TUBGCP3: variants seen among roughly 807,000 people sequenced by gnomAD.
TUBGCP3 encodes the protein tubulin gamma complex component 3, also known as gamma-tubulin complex component 3.
A neutral mutation model predicts 123.1 loss-of-function variants in TUBGCP3; 50 were observed. The observed-to-expected ratio is 0.41, with a 90% CI of 0.32 to 0.51. The LOEUF is 0.51. Ranked by LOEUF, TUBGCP3 falls within the 20% of genes least tolerant of loss-of-function variation. The probability of loss-of-function intolerance (pLI) is 0.36; values close to 1 mark genes in which losing one functional copy is unlikely to be tolerated. For missense variants in TUBGCP3, 882 were observed against 1,127.0 expected, an observed-to-expected ratio of 0.78 and a Z score of 3.11; for synonymous variants, 405 against 413.9, an observed-to-expected ratio of 0.98 and a Z score of 0.26.
chr13:112,550,901 A>T (rs186900632), intron 8 of TUBGCP3, among the ~76,000 whole-genome samples: 221 of 152,324 alleles, frequency 1.5e-3, no homozygotes, highest in Middle Eastern at 6.8e-3. Context: ...GATTAAGACC[A>T]TCCTGGCTAA....
chr13:112,540,204 C>T (rs1878400916), intron 11 of TUBGCP3, among the ~76,000 whole-genome samples: 4 of 141,664 alleles, frequency 2.8e-5, no homozygotes, highest in East Asian at 2.2e-4. Context: ...GGAGTGATGA[C>T]GTCAATGTAG....
At chr13:112,570,297 A>C (rs867589000) in intron 1 of TUBGCP3, among the ~76,000 whole-genome samples, 53 of 152,362 alleles carry the variant, frequency 3.5e-4, no homozygotes, top group African/African-American at 1.2e-3. Flanking sequence ...GATGGTGATG[A>C]GTGGGGATCC....
In TUBGCP3 at chr13:112,499,089, T is replaced by C. The variant is rs1393740301; in HGVS notation, c.2404A>G (p.Arg802Gly). ...TTTTTCTCTTCAAACTGTAATCGTC[T>C]CTGCAATTCTTCCAGAGCAGCTCTG... ...IYRAALEELQ[R>G]RLQFEEKKKQ... The change falls in exon 20 of 22, where the codon AGA becomes GGA. Residue 802 changes from arginine (R) to glycine (G), a missense_variant. By Grantham distance (125) the Arg-to-Gly change is moderately radical. This residue lies in a region of TUBGCP3 where 160 missense variants were observed against 220.3 expected (regional missense o/e 0.73). Transcript: ENST00000261965. 1 of 1,614,200 alleles carries C rather than the reference T, an allele frequency of 6.2e-7. No individual in the cohort carries two copies. The highest frequency in any genetic ancestry group is 1.1e-5 in the South Asian group (1 of 91,082).
At chr13:112,587,831 C>T in intron 1 of TUBGCP3, 74 bp downstream of exon 1, 1 of 1,335,936 alleles carries the variant, frequency 7.5e-7, no homozygotes, top group Non-Finnish European at 1.0e-6. Context: ...AGCCCCGGAA[C>T]GTATTAGGGC....
chr13:112,565,064 A>T (rs1594209456), intron 3 of TUBGCP3, 47 bp downstream of exon 3: 1 of 1,530,046 alleles, frequency 6.5e-7, no homozygotes, highest in East Asian at 2.3e-5. Flanking sequence ...ACCACTCATC[A>T]TATCCTCAAC....
chr13:112,549,712 G>A lies in TUBGCP3; in HGVS notation c.967-1536C>T, dbSNP rs1462142851. Among the ~76,000 whole-genome samples the A allele has an allele frequency of 3.9e-5, 6 of 152,114 alleles. No homozygotes were observed. The East Asian group carries it at 7.8e-4, about 20-fold the overall frequency. Reference sequence around the variant, plus strand: ...CAATCTTAAAAACTGATAGGAGGCCGGGTGCAGTGGCTCACGCCTGTAATC... The same window carrying A: ...CAATCTTAAAAACTGATAGGAGGCCAGGTGCAGTGGCTCACGCCTGTAATC... On this transcript the variant is annotated intron_variant, in intron 8 of 21. Transcript: ENST00000261965.
the TUBGCP3 span, chr13:112,605,591 T>C: frequency 6.6e-6 from 1 of 152,214 alleles, no homozygotes; most frequent in African/African-American, 2.4e-5. Flanking sequence ...GGCTGGAGCC[T>C]TAAGTCCTGG....
At position 112,519,952 on chromosome 13, in the gene TUBGCP3, G is replaced by A. The variant is rs1876475190; in HGVS notation, c.1815C>T (p.Val605=). The A allele has an allele frequency of 1.2e-6, 2 of 1,613,902 alleles. No homozygotes were observed. Among genetic ancestry groups the A allele is most frequent in the African/African-American group, 2.7e-5 (2 of 74,936 alleles). Residue 605 remains valine, a synonymous_variant, in exon 15 of 22, where the codon GTC becomes GTT. Coordinates refer to ENST00000261965, the MANE Select transcript of TUBGCP3 (RefSeq NM_006322.6). This position sits in a 1 kb window ranked among gnomAD's most constrained non-coding sequence, Gnocchi z 6.2. The part of the protein sequence containing the change: ...HNLTGILETA[V]RATNAQFDSP... The stretch of plus-strand genomic sequence containing the variant: ...TGTCAAACTGTGCGTTGGTGGCTCT[G>A]ACAGCGGTTTCTAGAATTCCAGTCA...
rs1224168644 is a variant in TUBGCP3, at chr13:112,587,887, G to A, written c.76+18C>T. ...CCCGGGACGGGTCTGCGGGCTTCGC[G>A]TCGCCCGGCCACTCTACCTTCGCTC... On this transcript the variant is annotated intron_variant, in intron 1 of 21. Coordinates refer to ENST00000261965, the MANE Select transcript of TUBGCP3 (RefSeq NM_006322.6). 1.9e-6 allele frequency: 3 copies of A among 1,583,934 alleles called. No individual in the cohort carries two copies. Among genetic ancestry groups the A allele is most frequent in the African/African-American group, 2.8e-5 (2 of 71,892 alleles).
intron 17 of TUBGCP3, among the ~76,000 whole-genome samples, chr13:112,514,632 C>T (rs1875924657): frequency 6.6e-6 from 1 of 152,128 alleles, no homozygotes; most frequent in South Asian, 2.1e-4. Context: ...GTGATACAGA[C>T]AACTATCAAC....
chr13:112,555,444 G>C (rs1389911656), intron 6 of TUBGCP3, among the ~76,000 whole-genome samples: 1 of 152,164 alleles, frequency 6.6e-6, no homozygotes, highest in Non-Finnish European at 1.5e-5. Flanking sequence ...AGCCAACAGG[G>C]AAACCCAATC....
At chr13:112,549,200 C>G (rs1329938489) in intron 8 of TUBGCP3, among the ~76,000 whole-genome samples, 1 of 152,134 alleles carries the variant, frequency 6.6e-6, no homozygotes, top group Admixed American at 6.5e-5. Flanking sequence ...GTGGATGAAG[C>G]TGGAAACCAT....
intron 11 of TUBGCP3, among the ~76,000 whole-genome samples, chr13:112,528,196 C>T (rs563992816): frequency 6.6e-6 from 1 of 152,336 alleles, no homozygotes; most frequent in South Asian, 2.1e-4. Context: ...AGTTTATTTG[C>T]CACTACAACA....
chr13:112,519,077 C>T lies in TUBGCP3; in HGVS notation c.1882-34G>A, dbSNP rs754637509. On this transcript the variant is annotated intron_variant, in intron 15 of 21. Coordinates refer to ENST00000261965, the MANE Select transcript of TUBGCP3 (RefSeq NM_006322.6). This position sits in a 1 kb window ranked among gnomAD's most constrained non-coding sequence, Gnocchi z 6.2. ...AGAAACAAACACATAATTGCAAGAC[C>T]TTAAGCTTCTTGCTGAAGAACTTGT... 6.5e-7 allele frequency: 1 copy of T among 1,542,286 alleles called. No homozygotes were observed. Among genetic ancestry groups the T allele is most frequent in the South Asian group, 1.1e-5 (1 of 89,190 alleles).
chr13:112,549,711 C>T (rs182077583), intron 8 of TUBGCP3, among the ~76,000 whole-genome samples: 139 of 152,006 alleles, frequency 9.1e-4, no homozygotes, highest in Non-Finnish European at 1.4e-3. Flanking sequence ...GATAGGAGGC[C>T]GGGTGCAGTG....
chr13:112,560,243 A>T (rs1326136933), intron 3 of TUBGCP3, among the ~76,000 whole-genome samples: 4 of 151,844 alleles, frequency 2.6e-5, no homozygotes, highest in Non-Finnish European at 5.9e-5. Context: ...ATCCCGGCTA[A>T]AACGGTGAAA....
At chr13:112,531,328 C>A (rs1233076316) in intron 11 of TUBGCP3, among the ~76,000 whole-genome samples, 2 of 152,152 alleles carry the variant, frequency 1.3e-5, no homozygotes, top group African/African-American at 4.8e-5. Context: ...TCTATTTTAG[C>A]CTTTTGAGAT....
At chr13:112,492,431 A>T (rs1367458155) in intron 20 of TUBGCP3, among the ~76,000 whole-genome samples, 1 of 152,260 alleles carries the variant, frequency 6.6e-6, no homozygotes, top group African/African-American at 2.4e-5. Context: ...GAACAGCTTA[A>T]TAAGTTATCA....
chr13:112,543,769 GA>G (rs1007873812), intron 11 of TUBGCP3, among the ~76,000 whole-genome samples: 26 of 151,742 alleles, frequency 1.7e-4, no homozygotes, highest in African/African-American at 4.6e-4. Flanking sequence ...GGAAGAATGT[GA>G]AAAAAAGTTA....
Sources: gnomAD v4.1 joint callset for allele counts (sites outside exome capture counted in the v4.1 genomes callset) on GRCh38, gnomAD v4.1.1 for gene constraint, gnomAD v4.1.1 regional missense constraint, Gnocchi (gnomAD v3.1) non-coding constraint, MANE v1.5 for transcripts, NCBI Gene and HGNC (gene_info 2026-07-23, HGNC 2026-07-21) for gene names.